The following FRAS1 variants were observed in gnomAD, a reference collection of about 807,000 sequenced individuals.
The protein encoded by FRAS1 is extracellular matrix organizing protein FRAS1.
A neutral mutation model predicts 435.2 loss-of-function variants in FRAS1; 290 were observed. The observed-to-expected ratio is 0.67, with a 90% CI of 0.61 to 0.73. The LOEUF (loss-of-function observed/expected upper bound fraction) is 0.73. Ranked by LOEUF, FRAS1 falls within the 30% of genes least tolerant of loss-of-function variation. The pLI is 0.00. For synonymous variants in FRAS1, 1,800 were observed against 1,851.0 expected (o/e 0.97, Z 0.71); for missense variants, 4,860 against 5,001.5 (o/e 0.97, Z 0.85).
intron 2 of FRAS1, among the ~76,000 whole-genome samples, chr4:78,170,693 C>G (rs763822139): frequency 6.6e-6 from 1 of 152,088 alleles, no homozygotes; most frequent in Non-Finnish European, 1.5e-5. Flanking sequence ...CTCTCATTGT[C>G]GTTTTCATCT....
rs73827973 is a variant in FRAS1, at chr4:78,326,711, T to C, written c.2138-6561T>C. Among the ~76,000 whole-genome samples, 737 of 152,160 alleles carry C rather than the reference T, an allele frequency of 4.8e-3. 5 individuals carry two copies. Among genetic ancestry groups the C allele is most frequent in the African/African-American group, 0.017 (686 of 41,504 alleles). On this transcript the variant is annotated intron_variant, in intron 18 of 73. Transcript: ENST00000512123. ...AGTCATCATTAAATCTATGGAAAAG[T>C]TTGCCCAAGAGTAAGAAAAGGAAGG... is the stretch of plus-strand genomic sequence containing the variant.
intron 15 of FRAS1, 87 bp from the exon 16 acceptor site, chr4:78,315,507 C>CCCAT: frequency 3.8e-6 from 5 of 1,308,386 alleles, no homozygotes; most frequent in Non-Finnish European, 5.2e-6. Context: ...GATATTGATA[C>CCCAT]CCATTGTGGA....
In FRAS1 at chr4:78,151,714, A is replaced by G. The variant is rs777426110; in HGVS notation, c.108+85698A>G. On this transcript the variant is annotated intron_variant, in intron 2 of 73. Coordinates refer to ENST00000512123, the MANE Select transcript of FRAS1 (RefSeq NM_025074.7). ...TTTTCTTAAATATACAAGTTCCTCT[A>G]GGTGTAATGCAGACTTACAAAAGAA... Among the ~76,000 whole-genome samples, 6 of 152,306 alleles carry G rather than the reference A, an allele frequency of 3.9e-5. No individual in the cohort carries two copies. In the Middle Eastern group the frequency reaches 0.01, roughly 259 times the overall value.
At chr4:78,332,139 C>G (rs114477777) in intron 18 of FRAS1, among the ~76,000 whole-genome samples, 3,693 of 152,158 alleles carry the variant, frequency 0.024, 173 homozygotes, top group African/African-American at 0.084. Context: ...TAGTACCTGG[C>G]CCCAAGGCAG....
chr4:78,473,378 A>C, intron 52 of FRAS1, 60 bp from the exon 53 acceptor site: 1 of 1,375,972 alleles, frequency 7.3e-7, no homozygotes, highest in Non-Finnish European at 1.0e-6. Context: ...TTGGTGTGGT[A>C]ATCTATGAAG....
intron 2 of FRAS1, among the ~76,000 whole-genome samples, chr4:78,174,384 A>G (rs562796847): frequency 6.6e-6 from 1 of 152,180 alleles, no homozygotes; most frequent in Non-Finnish European, 1.5e-5. Context: ...TTGAATATAC[A>G]AGAGGATTAT....
Position 78,372,710 on chromosome 4 carries a change from CT to C in FRAS1, c.2870-3del, listed in dbSNP as rs1249000495. 2 of 1,612,168 alleles carry C rather than the reference CT, an allele frequency of 1.2e-6. No individual in the cohort carries two copies. Among genetic ancestry groups the C allele is most frequent in the South Asian group, 2.2e-5 (2 of 90,988 alleles). On this transcript the variant is annotated splice_region_variant and splice_polypyrimidine_tract_variant and intron_variant, in intron 23 of 73. Transcript: ENST00000512123. The stretch of plus-strand genomic sequence containing the variant: ...AGGAAGATAATCTAATGCAGACTTT[CT>C]TTTTAGAGTGTGATTGGAGCTGCAG...
intron 41 of FRAS1, among the ~76,000 whole-genome samples, chr4:78,443,219 G>A (rs185825987): frequency 1.3e-3 from 202 of 152,252 alleles, no homozygotes; most frequent in African/African-American, 4.6e-3. Context: ...TTAGCTAGAC[G>A]TGGTGGCACA....
intron 42 of FRAS1, chr4:78,446,033 G>C: frequency 8.2e-7 from 1 of 1,220,338 alleles, no homozygotes; most frequent in Middle Eastern, 3.3e-4. Flanking sequence ...CTCTGAAATT[G>C]TGTTTGGTTC....
intron 20 of FRAS1, among the ~76,000 whole-genome samples, chr4:78,344,667 A>T (rs992209060): frequency 5.3e-5 from 8 of 151,940 alleles, no homozygotes; most frequent in Non-Finnish European, 1.0e-4. Context: ...TCAGTGTGAT[A>T]AATAGAGTGG....
intron 2 of FRAS1, among the ~76,000 whole-genome samples, chr4:78,165,875 A>G (rs931608683): frequency 6.6e-6 from 1 of 152,148 alleles, no homozygotes; most frequent in African/African-American, 2.4e-5. Flanking sequence ...GCAGACACAT[A>G]CGAGGCCTCT....
At chr4:78,394,464 C>T (rs28891759) in intron 29 of FRAS1, among the ~76,000 whole-genome samples, 21,198 of 151,882 alleles carry the variant, frequency 0.14, 1,862 homozygotes, top group African/African-American at 0.25. Context: ...CTATTCTTTT[C>T]TCCTTTCCTT....
chr4:78,274,866 T>G (rs375978455), intron 9 of FRAS1, among the ~76,000 whole-genome samples: 2 of 152,074 alleles, frequency 1.3e-5, no homozygotes, highest in African/African-American at 4.8e-5. Flanking sequence ...TCCTGGATAT[T>G]CTTGTTAACT....
At chr4:78,118,411 G>A (rs543412967) in intron 2 of FRAS1, among the ~76,000 whole-genome samples, 6 of 152,274 alleles carry the variant, frequency 3.9e-5, no homozygotes, top group East Asian at 3.9e-4. Flanking sequence ...TTGGCTTTTG[G>A]CTATGACCTG....
intron 4 of FRAS1, among the ~76,000 whole-genome samples, chr4:78,247,184 TTCTCCC>T (rs1246509873): frequency 6.6e-6 from 1 of 152,128 alleles, no homozygotes; most frequent in African/African-American, 2.4e-5. Context: ...GTTCAGAAAG[TTCTCCC>T]GCTGGTCTTT....
intron 15 of FRAS1, among the ~76,000 whole-genome samples, chr4:78,312,143 TTTATC>T (rs1335919042): frequency 6.8e-6 from 1 of 148,012 alleles, no homozygotes; most frequent in African/African-American, 2.5e-5. Flanking sequence ...AATTTGATGT[TTTATC>T]TTAACTTAGG....
intron 2 of FRAS1, among the ~76,000 whole-genome samples, chr4:78,074,583 C>G (rs1740538879): frequency 6.6e-6 from 1 of 152,010 alleles, no homozygotes; most frequent in Admixed American, 6.6e-5. Context: ...CCCTTTTTCC[C>G]TTTTCTGTGT....
chr4:78,364,150 C>A, intron 22 of FRAS1, 96 bp downstream of exon 22: 1 of 1,310,542 alleles, frequency 7.6e-7, no homozygotes, highest in Non-Finnish European at 1.0e-6. Flanking sequence ...CATCTTCTCA[C>A]CTGGTAGCCT....
At chr4:78,370,006 G>A in intron 23 of FRAS1, 22 bp downstream of exon 23, 3 of 1,606,458 alleles carry the variant, frequency 1.9e-6, no homozygotes, top group Non-Finnish European at 2.6e-6. Flanking sequence ...CCTGAATTGT[G>A]TAAAGATTCT....
Sources: allele counts gnomAD v4.1 joint callset (sites outside exome capture counted in the v4.1 genomes callset), GRCh38; gene constraint gnomAD v4.1.1; transcripts MANE v1.5; gene names NCBI Gene and HGNC (gene_info 2026-07-23, HGNC 2026-07-21).